Variants in BLNK observed in about 807,000 individuals in gnomAD.
The protein encoded by BLNK is B-cell linker protein.
In BLNK, 29 loss-of-function variants were observed where a neutral mutation model predicts 73.5. The observed-to-expected ratio is 0.39, with a 90% CI of 0.29 to 0.54. The LOEUF (loss-of-function observed/expected upper bound fraction) is 0.54. Ranked by LOEUF, BLNK falls within the 20% of genes least tolerant of loss-of-function variation. The pLI is 0.61. For synonymous variants in BLNK, 176 were observed against 200.8 expected, an observed-to-expected ratio of 0.88 and a Z score of 1.04; for missense variants, 460 against 562.8, an observed-to-expected ratio of 0.82 and a Z score of 1.85.
At chr10:96,241,345 T>G (rs1251616189) in intron 3 of BLNK, among the ~76,000 whole-genome samples, 1 of 152,266 alleles carries the variant, frequency 6.6e-6, no homozygotes. Context: ...ATTAATGCTA[T>G]AGAAAGAGAT....
intron 1 of BLNK, among the ~76,000 whole-genome samples, chr10:96,250,097 A>G (rs1363531699): frequency 6.6e-6 from 1 of 152,150 alleles, no homozygotes; most frequent in Non-Finnish European, 1.5e-5. Flanking sequence ...ACCATATTTT[A>G]TACTCCCTAG....
At chr10:96,203,905 G>A in intron 13 of BLNK, 152 bp downstream of exon 13, 1 of 561,664 alleles carries the variant, frequency 1.8e-6, no homozygotes, top group Non-Finnish European at 3.2e-6. Context: ...AAACATTCTT[G>A]GCCCCATTTT....
At chr10:96,219,654 C>A (rs949956698) in intron 6 of BLNK, among the ~76,000 whole-genome samples, 1 of 152,138 alleles carries the variant, frequency 6.6e-6, no homozygotes, top group Non-Finnish European at 1.5e-5. Context: ...TGCTTGATTA[C>A]AGAAAATGTT....
chr10:96,195,417 C>CA (rs1554894459), intron 16 of BLNK, among the ~76,000 whole-genome samples: 1 of 152,156 alleles, frequency 6.6e-6, no homozygotes, highest in African/African-American at 2.4e-5. Context: ...CACAAATGTC[C>CA]ACTGATGGAT....
chr10:96,222,554 G>A (rs1010819394), intron 6 of BLNK, among the ~76,000 whole-genome samples: 1 of 152,188 alleles, frequency 6.6e-6, no homozygotes. Flanking sequence ...TGCTGAGACA[G>A]GGAAGATTGA....
rs1328261704 is a variant in BLNK, at chr10:96,189,541, G to A, written c.*2432C>T. On this transcript the variant is annotated 3_prime_UTR_variant, in exon 17 of 17. Transcript: ENST00000224337. ...GAACTAGGCCCTTTTGGTGTTTTACGAGTTTTTTCCTGTTTTTTGAAGGAT... is the reference window on the plus strand; with the variant it reads ...GAACTAGGCCCTTTTGGTGTTTTACAAGTTTTTTCCTGTTTTTTGAAGGAT... The A allele has an allele frequency of 6.1e-6, 4 of 655,670 alleles. No homozygotes were observed. The East Asian group carries it at 9.8e-5, about 16-fold the overall frequency. The allele number at this position is 655,670 out of a possible 1,614,324, so 40.6% of individuals were successfully genotyped here.
intron 1 of BLNK, among the ~76,000 whole-genome samples, chr10:96,254,410 G>A (rs1271579993): frequency 1.3e-5 from 2 of 152,200 alleles, no homozygotes; most frequent in Non-Finnish European, 2.9e-5. Flanking sequence ...CTTCCAGCCT[G>A]CCTGCCTTCT....
At chr10:96,193,816 C>T (rs1172121901) in intron 16 of BLNK, among the ~76,000 whole-genome samples, 2 of 152,128 alleles carry the variant, frequency 1.3e-5, no homozygotes, top group African/African-American at 4.8e-5. Flanking sequence ...CTTTTTCTAG[C>T]CATGTACACA....
At chr10:96,256,880 CA>C (rs1295010912) in intron 1 of BLNK, among the ~76,000 whole-genome samples, 80 of 103,468 alleles carry the variant, frequency 7.7e-4, no homozygotes, top group African/African-American at 2.6e-3. Flanking sequence ...GACTCCATCT[CA>C]AAAAAAAAAA....
chr10:96,238,164 C>T (rs1842763413), intron 3 of BLNK, among the ~76,000 whole-genome samples: 1 of 152,200 alleles, frequency 6.6e-6, no homozygotes, highest in Admixed American at 6.5e-5. Flanking sequence ...ACCTGCATCC[C>T]TGGAGGAGAC....
intron 4 of BLNK, among the ~76,000 whole-genome samples, chr10:96,229,511 C>T (rs1842414704): frequency 6.6e-6 from 1 of 152,100 alleles, no homozygotes; most frequent in Non-Finnish European, 1.5e-5. Context: ...GATTTTGGGG[C>T]AAGTAATTCC....
At position 96,216,159 on chromosome 10, in the gene BLNK, T is replaced by G. The variant is rs143969715; in HGVS notation, c.607+494A>C. On this transcript the variant is annotated intron_variant, in intron 7 of 16. Coordinates refer to ENST00000224337, the MANE Select transcript of BLNK (RefSeq NM_013314.4). ...GCACTGGCTTTTTAAGGTAATTCATTGGTCATAGCATTTGTTGTTCTGTGA... is the reference window on the plus strand; with the variant it reads ...GCACTGGCTTTTTAAGGTAATTCATGGGTCATAGCATTTGTTGTTCTGTGA... The G allele has an allele frequency of 7.9e-3, 1,435 of 181,684 alleles. 2 individuals are homozygous for G. Among genetic ancestry groups the G allele is most frequent in the Non-Finnish European group, 0.013 (1,087 of 84,598 alleles). The allele number at this position is 181,684 out of a possible 1,614,324, so 11.3% of individuals were successfully genotyped here.
At chr10:96,227,360 C>G (rs1417699327) in intron 5 of BLNK, 50 bp downstream of exon 5, 2 of 1,600,248 alleles carry the variant, frequency 1.2e-6, no homozygotes, top group Non-Finnish European at 1.7e-6. Flanking sequence ...ACACCCCCAC[C>G]TCCCCATGGG....
Position 96,271,543 on chromosome 10 carries a change from G to A in BLNK, c.-145C>T. On this transcript the variant is annotated 5_prime_UTR_variant, in exon 1 of 17. Transcript: ENST00000224337. ...TGATTTCTGAGAGTGCAGGCTGCTG[G>A]CAAACACCCCTGCTCTAGGGAGAAG... is the stretch of plus-strand genomic sequence containing the variant. The A allele has an allele frequency of 1.3e-6, 1 of 798,896 alleles. No individual in the cohort carries two copies. The highest frequency in any genetic ancestry group is 2.2e-6 in the Non-Finnish European group (1 of 457,846). 49.5% of individuals were successfully genotyped at this position (798,896 alleles called of 1,614,324 possible). A position where few individuals can be genotyped will look rare whatever the true frequency, so the allele number is the denominator to read the frequency against.
intron 3 of BLNK, among the ~76,000 whole-genome samples, chr10:96,233,835 G>T (rs1591338241): frequency 6.6e-6 from 1 of 152,244 alleles, no homozygotes; most frequent in East Asian, 1.9e-4. Flanking sequence ...CATCTGGACA[G>T]AATTTTGCAT....
intron 2 of BLNK, among the ~76,000 whole-genome samples, chr10:96,243,462 A>T (rs1842940006): frequency 6.6e-6 from 1 of 152,154 alleles, no homozygotes; most frequent in Non-Finnish European, 1.5e-5. Flanking sequence ...TGGGAGGATC[A>T]CTTGGGCCCC....
intron 3 of BLNK, 86 bp from the exon 4 acceptor site, chr10:96,230,920 C>A: frequency 7.1e-7 from 1 of 1,400,772 alleles, no homozygotes; most frequent in South Asian, 1.2e-5. Context: ...TCGCACCTGC[C>A]TTCCCTTCCC....
intron 3 of BLNK, 84 bp downstream of exon 3, chr10:96,242,651 G>T: frequency 7.9e-7 from 1 of 1,258,046 alleles, no homozygotes; most frequent in South Asian, 1.2e-5. Flanking sequence ...TGAGGATAGC[G>T]TATTTCCCTT....
intron 3 of BLNK, among the ~76,000 whole-genome samples, chr10:96,237,878 C>T (rs1336795590): frequency 1.3e-5 from 2 of 152,214 alleles, no homozygotes; most frequent in African/African-American, 4.8e-5. Flanking sequence ...ACATTTTCCT[C>T]ATCTGCAAAA....
Sources: allele counts gnomAD v4.1 joint callset (sites outside exome capture counted in the v4.1 genomes callset), GRCh38; gene constraint gnomAD v4.1.1; transcripts MANE v1.5; gene names NCBI Gene and HGNC (gene_info 2026-07-23, HGNC 2026-07-21).